The following CNTN6 variants were observed in gnomAD, a reference collection of about 807,000 sequenced individuals.
CNTN6 encodes contactin 6.
Under a neutral mutation model 122.8 loss-of-function variants are expected in CNTN6, and 137 were observed. The ratio of observed to expected loss-of-function variants is 1.12; its 90% CI spans 0.97 to 1.29. The LOEUF (loss-of-function observed/expected upper bound fraction) is 1.29. CNTN6 is among the 50% of genes most tolerant of loss of function. CNTN6 has a pLI of 0.00. For synonymous variants in CNTN6, 570 were observed against 426.0 expected (o/e 1.34, Z -4.16); for missense variants, 1,634 against 1,223.4 (o/e 1.34, Z -5.01).
chr3:1,373,051 TGGAAGTGAG>T (rs1709300888), intron 14 of CNTN6, 96 bp downstream of exon 14: 2 of 716,386 alleles, frequency 2.8e-6, no homozygotes, highest in Admixed American at 2.5e-5. Context: ...CACCATGTTA[TGGAAGTGAG>T]ATGTAATCAG....
chr3:1,183,367 A>C (rs2093585149), intron 2 of CNTN6, among the ~76,000 whole-genome samples: 1 of 152,114 alleles, frequency 6.6e-6, no homozygotes, highest in Non-Finnish European at 1.5e-5. Context: ...TTGTATGAAA[A>C]ATTTATAACT....
At chr3:1,183,810 T>C (rs1335640132) in intron 2 of CNTN6, among the ~76,000 whole-genome samples, 1 of 152,182 alleles carries the variant, frequency 6.6e-6, no homozygotes, top group East Asian at 1.9e-4. Context: ...ACAGCTCATC[T>C]GAGTTTTTGC....
chr3:1,347,806 A>C (rs1238118611), intron 11 of CNTN6, among the ~76,000 whole-genome samples: 1 of 152,116 alleles, frequency 6.6e-6, no homozygotes, highest in Non-Finnish European at 1.5e-5. Flanking sequence ...TAAGTAGCTA[A>C]GAACACAGAC....
At chr3:1,175,578 C>T (rs11128556) in intron 2 of CNTN6, among the ~76,000 whole-genome samples, 88,932 of 151,972 alleles carry the variant, frequency 0.59, 26,773 homozygotes, top group African/African-American at 0.72. Flanking sequence ...TAAGGATACT[C>T]TACTATATTG....
intron 2 of CNTN6, among the ~76,000 whole-genome samples, chr3:1,172,618 C>G (rs2093377041): frequency 1.3e-5 from 1 of 74,980 alleles, no homozygotes. Flanking sequence ...TGCAATAACT[C>G]TCTGTGTGTG....
At chr3:1,389,401 T>TC (rs1693743090) in intron 20 of CNTN6, among the ~76,000 whole-genome samples, 1 of 151,872 alleles carries the variant, frequency 6.6e-6, no homozygotes, top group Non-Finnish European at 1.5e-5. Context: ...CTAAAAGTGC[T>TC]CCTGAAGGAA....
chr3:1,393,647 C>T (rs1316717125), intron 20 of CNTN6, among the ~76,000 whole-genome samples: 2 of 141,292 alleles, frequency 1.4e-5, no homozygotes, highest in Non-Finnish European at 3.1e-5. Flanking sequence ...AAGAAACAAA[C>T]ATTAAAAAAA....
intron 1 of CNTN6, among the ~76,000 whole-genome samples, chr3:1,118,063 C>T (rs2091798855): frequency 6.6e-6 from 1 of 152,178 alleles, no homozygotes; most frequent in African/African-American, 2.4e-5. Context: ...AAACAAATAC[C>T]TATGCCATGT....
At chr3:1,164,716 G>A (rs552565971) in intron 2 of CNTN6, among the ~76,000 whole-genome samples, 2 of 152,258 alleles carry the variant, frequency 1.3e-5, no homozygotes, top group South Asian at 4.1e-4. Flanking sequence ...CCTCTGTATT[G>A]TGAAGCCTCC....
At chr3:1,343,907 G>A (rs1052283063) in intron 11 of CNTN6, among the ~76,000 whole-genome samples, 3 of 152,078 alleles carry the variant, frequency 2.0e-5, no homozygotes, top group Admixed American at 1.3e-4. Flanking sequence ...TATAATCCCT[G>A]TATCACCTGC....
chr3:1,115,635 C>A lies in CNTN6; in HGVS notation c.-83+22515C>A, dbSNP rs2091688175. Among the ~76,000 whole-genome samples the A allele has an allele frequency of 2.0e-5, 3 of 152,052 alleles. No individual in the cohort carries two copies. The South Asian group carries it at 6.2e-4, about 31-fold the overall frequency. ...GGCATGAAGGTGCATGCCTGTAATC[C>A]CAACTACTCAGGAGGCTGAGGCAGG... On this transcript the variant is annotated intron_variant, in intron 1 of 22. Transcript: ENST00000446702.
chr3:1,228,101 A>G, intron 4 of CNTN6, 108 bp downstream of exon 4: 8 of 1,017,130 alleles, frequency 7.9e-6, no homozygotes, highest in Non-Finnish European at 1.2e-5. Flanking sequence ...GAGAATGAAT[A>G]TGACTTTATG....
chr3:1,355,240 CATATAA>C (rs1706361670), intron 12 of CNTN6, among the ~76,000 whole-genome samples: 1 of 151,556 alleles, frequency 6.6e-6, no homozygotes, highest in African/African-American at 2.4e-5. Flanking sequence ...CACACAAATA[CATATAA>C]ATAAAATAAA....
At chr3:1,390,216 G>C (rs1460991421) in intron 20 of CNTN6, among the ~76,000 whole-genome samples, 1 of 152,000 alleles carries the variant, frequency 6.6e-6, no homozygotes, top group African/African-American at 2.4e-5. Flanking sequence ...CTATCTCTCA[G>C]GCCACAGTGC....
intron 7 of CNTN6, among the ~76,000 whole-genome samples, chr3:1,308,980 GTTTA>G (rs1358944685): frequency 6.6e-6 from 1 of 151,964 alleles, no homozygotes; most frequent in Admixed American, 6.6e-5. Context: ...TAATTGGTAT[GTTTA>G]TTTTCTTATT....
intron 19 of CNTN6, among the ~76,000 whole-genome samples, chr3:1,384,812 C>CACACACACATAT (rs1338541100): frequency 1.4e-4 from 16 of 118,498 alleles, no homozygotes; most frequent in African/African-American, 4.5e-4. Flanking sequence ...CACACACACA[C>CACACACACATAT]ATATATATAT....
At position 1,390,265 on chromosome 3, in the gene CNTN6, A is replaced by G. The variant is rs1417512558; in HGVS notation, c.2704+4468A>G. The stretch of plus-strand genomic sequence containing the variant: ...CTCAAGATTAAGAATCTCACTCAAA[A>G]CCGCTCAACTACATGGAAACTGAAC... On this transcript the variant is annotated intron_variant, in intron 20 of 22. Coordinates refer to ENST00000446702, the MANE Select transcript of CNTN6 (RefSeq NM_001289080.2). Among the ~76,000 whole-genome samples, 559 of 152,110 alleles carry G rather than the reference A, an allele frequency of 3.7e-3. 2 individuals are homozygous for G. Among genetic ancestry groups the G allele is most frequent in the African/African-American group, 0.013 (528 of 41,408 alleles).
Position 1,104,444 on chromosome 3 carries a change from C to A in CNTN6, c.-83+11324C>A, listed in dbSNP as rs116317554. 3.6e-3 allele frequency among the ~76,000 whole-genome samples: 542 copies of A among 152,180 alleles called. 5 individuals carry two copies. The highest frequency in any genetic ancestry group is 0.012 in the African/African-American group (488 of 41,542). ...GTTTATGGAATTTCCTAATCACAGA[C>A]CCAACTCTTTCCCTGAAAGGTATTC... On this transcript the variant is annotated intron_variant, in intron 1 of 22. Coordinates refer to ENST00000446702, the MANE Select transcript of CNTN6 (RefSeq NM_001289080.2).
At chr3:1,341,260 T>C (rs1335154149) in intron 11 of CNTN6, among the ~76,000 whole-genome samples, 3 of 152,062 alleles carry the variant, frequency 2.0e-5, no homozygotes, top group African/African-American at 7.2e-5. Context: ...CTTCATACTT[T>C]CTAGTCTTTT....
Sources: allele counts gnomAD v4.1 joint callset (sites outside exome capture counted in the v4.1 genomes callset), GRCh38; gene constraint gnomAD v4.1.1; transcripts MANE v1.5; gene names NCBI Gene and HGNC (gene_info 2026-07-23, HGNC 2026-07-21).